AXIN1: variants seen among roughly 807,000 people sequenced by gnomAD.
The protein encoded by AXIN1 is axin 1, also known as axin-1.
Under a neutral mutation model 76.4 loss-of-function variants are expected in AXIN1, and 30 were observed. The ratio of observed to expected loss-of-function variants is 0.39; its 90% CI spans 0.29 to 0.53. The LOEUF (loss-of-function observed/expected upper bound fraction) is 0.53. AXIN1 is among the 20% of genes least tolerant of loss of function. The pLI is 0.66. For synonymous variants in AXIN1, 545 were observed against 501.4 expected (o/e 1.09, Z -1.16); for missense variants, 1,140 against 1,198.8 (o/e 0.95, Z 0.72).
intron 3 of AXIN1, among the ~76,000 whole-genome samples, chr16:312,557 C>A (rs1386099330): frequency 6.6e-6 from 1 of 152,176 alleles, no homozygotes; most frequent in African/African-American, 2.4e-5. Flanking sequence ...CTGCACTGCA[C>A]CCAACCACCT....
chr16:336,283 G>A (rs892484912), intron 2 of AXIN1, among the ~76,000 whole-genome samples: 1 of 152,206 alleles, frequency 6.6e-6, no homozygotes, highest in African/African-American at 2.4e-5. Context: ...AAAGCACCAT[G>A]CCCTGGTGCA....
At chr16:292,795 G>T (rs993302374) in intron 8 of AXIN1, 1 of 152,360 alleles carries the variant, frequency 6.6e-6, no homozygotes, top group Non-Finnish European at 1.5e-5. Context: ...ACACAAAGGG[G>T]AGACCTCCCT....
intron 2 of AXIN1, among the ~76,000 whole-genome samples, chr16:338,562 G>A (rs985554701): frequency 4.6e-5 from 7 of 152,266 alleles, no homozygotes; most frequent in Admixed American, 3.9e-4. Context: ...CTGAGACTAT[G>A]GAGCTTTACG....
At chr16:329,817 T>C (rs1446340573) in intron 2 of AXIN1, among the ~76,000 whole-genome samples, 3 of 150,488 alleles carry the variant, frequency 2.0e-5, no homozygotes, top group South Asian at 4.2e-4. Context: ...TATTTTTTAG[T>C]AGACACGGGG....
intron 8 of AXIN1, 178 bp from the exon 9 acceptor site, chr16:291,475 T>A: frequency 1.5e-6 from 1 of 659,128 alleles, no homozygotes; most frequent in Non-Finnish European, 2.8e-6. Flanking sequence ...TAGGCCTGCC[T>A]TGGTGGTACC....
intron 9 of AXIN1, chr16:289,895 A>G (rs1248636410): frequency 3.4e-5 from 18 of 536,314 alleles, no homozygotes; most frequent in Non-Finnish European, 5.4e-5. Flanking sequence ...TGCAGCTCCC[A>G]CCTCTAGGAT....
At chr16:349,567 C>T (rs180915007) in intron 1 of AXIN1, among the ~76,000 whole-genome samples, 3 of 152,216 alleles carry the variant, frequency 2.0e-5, no homozygotes, top group Admixed American at 6.5e-5. Context: ...CCACAAGTCA[C>T]CATCATGCTC....
At chr16:324,207 T>C (rs957117378) in intron 2 of AXIN1, among the ~76,000 whole-genome samples, 5 of 152,244 alleles carry the variant, frequency 3.3e-5, no homozygotes, top group Non-Finnish European at 7.3e-5. Context: ...TTTACGGGTC[T>C]TCCGGGCCAC....
chr16:343,036 A>G (rs1567305305), intron 2 of AXIN1, among the ~76,000 whole-genome samples: 2 of 152,150 alleles, frequency 1.3e-5, no homozygotes, highest in Non-Finnish European at 1.5e-5. Flanking sequence ...AACCATTCCA[A>G]CATCAGAGAT....
At chr16:351,566 C>T (rs1302641723) in intron 1 of AXIN1, among the ~76,000 whole-genome samples, 1 of 151,662 alleles carries the variant, frequency 6.6e-6, no homozygotes, top group African/African-American at 2.4e-5. Context: ...GCCAAGATAG[C>T]GCCACTGCAC....
chr16:324,905 G>A (rs967514483), intron 2 of AXIN1, among the ~76,000 whole-genome samples: 2 of 152,226 alleles, frequency 1.3e-5, no homozygotes, highest in East Asian at 1.9e-4. Flanking sequence ...AGCAGCGCCC[G>A]GTGCACAGTT....
At chr16:305,668 C>T (rs1034112499) in intron 4 of AXIN1, among the ~76,000 whole-genome samples, 2 of 152,110 alleles carry the variant, frequency 1.3e-5, no homozygotes, top group Non-Finnish European at 2.9e-5. Context: ...CTCAGCCTCC[C>T]GAGTAGCTGG....
intron 9 of AXIN1, 127 bp from the exon 10 acceptor site, chr16:289,734 A>C: frequency 1.7e-6 from 2 of 1,200,464 alleles, no homozygotes; most frequent in Non-Finnish European, 1.2e-6. Flanking sequence ...CCCCATTCAA[A>C]CACCTGGGGC....
chr16:311,826 G>A (rs577584771), intron 3 of AXIN1, among the ~76,000 whole-genome samples: 5 of 152,300 alleles, frequency 3.3e-5, no homozygotes, highest in Admixed American at 6.5e-5. Flanking sequence ...GGCAGCTCCA[G>A]GGATCCGTGC....
chr16:349,773 C>A (rs1240668373), intron 1 of AXIN1, among the ~76,000 whole-genome samples: 1 of 152,186 alleles, frequency 6.6e-6, no homozygotes, highest in Non-Finnish European at 1.5e-5. Flanking sequence ...GCAGCAAATT[C>A]TTCCAAAACT....
chr16:324,209 CCGGGCCACATTA>C (rs2053528672), intron 2 of AXIN1, among the ~76,000 whole-genome samples: 1 of 152,224 alleles, frequency 6.6e-6, no homozygotes, highest in Non-Finnish European at 1.5e-5. Flanking sequence ...TACGGGTCTT[CCGGGCCACATTA>C]CGGGTCGGCA....
intron 5 of AXIN1, among the ~76,000 whole-genome samples, chr16:302,177 G>A (rs556263645): frequency 2.0e-5 from 3 of 152,358 alleles, no homozygotes; most frequent in Non-Finnish European, 4.4e-5. Context: ...GGACCACGCG[G>A]CACTGATGCT....
Position 352,510 on chromosome 16 carries a change from C to T in AXIN1, c.-223G>A, listed in dbSNP as rs1050935608. The T allele has an allele frequency of 1.6e-5, 13 of 804,696 alleles. No individual in the cohort carries two copies. Among genetic ancestry groups the T allele is most frequent in the African/African-American group, 1.9e-5 (1 of 53,084 alleles). 49.8% of individuals were successfully genotyped at this position (804,696 alleles called of 1,614,324 possible). ...GCGGCCCCCATCTCGGCGGCTGCGG[C>T]TCGGCGGCCCGGAGGCGGACGCGGG... On this transcript the variant is annotated 5_prime_UTR_variant, in exon 1 of 11. Transcript: ENST00000262320.
chr16:297,223 C>G lies in AXIN1; in HGVS notation c.1788G>C (p.Gly596=), dbSNP rs2141504339. The G allele has an allele frequency of 6.2e-7, 1 of 1,605,932 alleles. No individual in the cohort carries two copies. The change falls in exon 7 of 11, where the codon GGG becomes GGC. Residue 596 remains glycine (G), a synonymous_variant. Transcript: ENST00000262320. ...TTCTTTTGCACGCCACGCCCACCTT[C>G]CCACTGCAAGGGCAAGAGCTGCGAG... ...PNASDGLAHS[G]KVGVACKRNA...
Sources: gnomAD v4.1 joint callset for allele counts (sites outside exome capture counted in the v4.1 genomes callset) on GRCh38, gnomAD v4.1.1 for gene constraint, MANE v1.5 for transcripts, NCBI Gene and HGNC (gene_info 2026-07-23, HGNC 2026-07-21) for gene names.